SPIDR: variants seen among roughly 807,000 people sequenced by gnomAD.
SPIDR encodes the protein DNA repair-scaffolding protein.
SPIDR carries 93 observed loss-of-function variants against 104.6 expected under a neutral mutation model. The observed-to-expected ratio is 0.89, with a 90% CI of 0.75 to 1.06. The LOEUF is 1.06. SPIDR is among the 50% of genes least tolerant of loss of function. The probability of loss-of-function intolerance (pLI) is 0.00; values close to 1 mark genes in which losing one functional copy is unlikely to be tolerated. For synonymous variants in SPIDR, 431 were observed against 416.9 expected (o/e 1.03, Z -0.41); for missense variants, 1,154 against 1,111.2 (o/e 1.04, Z -0.55).
At chr8:47,357,096 A>T (rs562090167) in intron 5 of SPIDR, among the ~76,000 whole-genome samples, 2 of 152,354 alleles carry the variant, frequency 1.3e-5, no homozygotes, top group Non-Finnish European at 2.9e-5. Flanking sequence ...GTGTTCTACT[A>T]GTCAGTTTAA....
chr8:47,494,848 A>G (rs2079207727), intron 8 of SPIDR, among the ~76,000 whole-genome samples: 1 of 152,120 alleles, frequency 6.6e-6, no homozygotes, highest in Admixed American at 6.6e-5. Context: ...GTGAAGTGAG[A>G]TACTTCTTAT....
intron 3 of SPIDR, among the ~76,000 whole-genome samples, chr8:47,290,828 T>C (rs1026577930): frequency 4.6e-5 from 7 of 152,250 alleles, no homozygotes; most frequent in Admixed American, 6.5e-5. Context: ...CTTCTTTTTC[T>C]TCTTGGAACT....
intron 5 of SPIDR, among the ~76,000 whole-genome samples, chr8:47,340,417 T>A (rs903800797): frequency 6.6e-6 from 1 of 151,976 alleles, no homozygotes; most frequent in Non-Finnish European, 1.5e-5. Context: ...TGAGGCTGGC[T>A]AACATGGCGA....
chr8:47,582,086 G>A (rs1420675565), intron 8 of SPIDR, among the ~76,000 whole-genome samples: 9 of 152,112 alleles, frequency 5.9e-5, no homozygotes, highest in South Asian at 2.1e-4. Context: ...GCGTGGTGGC[G>A]GGTGCCTGTA....
intron 11 of SPIDR, among the ~76,000 whole-genome samples, chr8:47,680,388 G>A (rs1589131059): frequency 6.6e-6 from 1 of 152,304 alleles, no homozygotes; most frequent in South Asian, 2.1e-4. Flanking sequence ...GCAGGATGCT[G>A]GGGCCTTCAG....
At chr8:47,530,807 C>A (rs1001031467) in intron 8 of SPIDR, among the ~76,000 whole-genome samples, 1 of 151,902 alleles carries the variant, frequency 6.6e-6, no homozygotes, top group Non-Finnish European at 1.5e-5. Context: ...AATTTTTTAT[C>A]CTTTTGTAGT....
chr8:47,355,681 A>C (rs2054399963), intron 5 of SPIDR, among the ~76,000 whole-genome samples: 1 of 152,226 alleles, frequency 6.6e-6, no homozygotes, highest in African/African-American at 2.4e-5. Context: ...TGGCTGGGCT[A>C]CTTTAATCAG....
At chr8:47,324,921 C>T (rs1224409675) in intron 5 of SPIDR, among the ~76,000 whole-genome samples, 1 of 152,124 alleles carries the variant, frequency 6.6e-6, no homozygotes, top group Non-Finnish European at 1.5e-5. Flanking sequence ...CCTGAGGCCT[C>T]TCTCTGTGGC....
At chr8:47,328,246 CAGGT>C (rs1355801783) in intron 5 of SPIDR, among the ~76,000 whole-genome samples, 3 of 151,542 alleles carry the variant, frequency 2.0e-5, no homozygotes, top group African/African-American at 7.3e-5. Context: ...TGGTGTGAGG[CAGGT>C]GGTCCAACTA....
At chr8:47,514,806 A>G (rs879361814) in intron 8 of SPIDR, among the ~76,000 whole-genome samples, 8 of 152,194 alleles carry the variant, frequency 5.3e-5, no homozygotes, top group Non-Finnish European at 8.8e-5. Context: ...CTTTGAGGCC[A>G]ACACCCAAAA....
chr8:47,423,022 A>G (rs2065816673), intron 7 of SPIDR, among the ~76,000 whole-genome samples: 1 of 152,170 alleles, frequency 6.6e-6, no homozygotes, highest in Non-Finnish European at 1.5e-5. Flanking sequence ...AGAACAGCCA[A>G]AGGCCGGGTG....
chr8:47,387,421 G>A (rs1283915339), intron 5 of SPIDR, among the ~76,000 whole-genome samples: 1 of 152,166 alleles, frequency 6.6e-6, no homozygotes, highest in African/African-American at 2.4e-5. Context: ...GAGGGCAGGA[G>A]TGGAGCAAGA....
At chr8:47,307,923 GTTGTT>G (rs782818114) in intron 5 of SPIDR, among the ~76,000 whole-genome samples, 1 of 151,920 alleles carries the variant, frequency 6.6e-6, no homozygotes, top group African/African-American at 2.4e-5. Context: ...GGACAGTTGT[GTTGTT>G]TTATTTTTTT....
chr8:47,297,961 T>G (rs1554573966), intron 5 of SPIDR, among the ~76,000 whole-genome samples: 21 of 152,312 alleles, frequency 1.4e-4, no homozygotes, highest in African/African-American at 5.1e-4. Flanking sequence ...GTAATCCTTT[T>G]GGTATATACC....
intron 6 of SPIDR, among the ~76,000 whole-genome samples, chr8:47,405,725 C>T (rs1046913129): frequency 4.2e-4 from 64 of 152,112 alleles, no homozygotes; most frequent in African/African-American, 1.4e-3. Context: ...TATCTGGCTA[C>T]GTTCAAAAGA....
At chr8:47,684,495 TTGC>T (rs1378237886) in intron 11 of SPIDR, among the ~76,000 whole-genome samples, 2 of 152,222 alleles carry the variant, frequency 1.3e-5, no homozygotes, top group African/African-American at 4.8e-5. Context: ...GTTTTTAAAT[TTGC>T]TGGTTGATTG....
At chr8:47,483,792 GA>G (rs1442050647) in intron 8 of SPIDR, among the ~76,000 whole-genome samples, 17 of 152,144 alleles carry the variant, frequency 1.1e-4, no homozygotes, top group African/African-American at 3.4e-4. Flanking sequence ...GTTGTGATCT[GA>G]AAACCTTGGT....
At chr8:47,505,663 C>T (rs1031782235) in intron 8 of SPIDR, among the ~76,000 whole-genome samples, 1 of 152,160 alleles carries the variant, frequency 6.6e-6, no homozygotes, top group Non-Finnish European at 1.5e-5. Context: ...CAGTGCGATA[C>T]CTCAGTTGGA....
At chr8:47,440,686 C>G in intron 8 of SPIDR, 144 bp downstream of exon 8, 1 of 740,816 alleles carries the variant, frequency 1.3e-6, no homozygotes, top group East Asian at 2.7e-5. Context: ...GGTTTTCTGT[C>G]AGAGAAGCAC....
Sources: allele counts gnomAD v4.1 joint callset (sites outside exome capture counted in the v4.1 genomes callset), GRCh38; gene constraint gnomAD v4.1.1; transcripts MANE v1.5; gene names NCBI Gene and HGNC (gene_info 2026-07-23, HGNC 2026-07-21).